The following COL6A3 variants were observed in gnomAD, a reference collection of about 807,000 sequenced individuals.
COL6A3 encodes collagen type VI alpha 3 chain.
A neutral mutation model predicts 274.1 loss-of-function variants in COL6A3; 137 were observed. That is an observed-to-expected ratio of 0.50 (90% CI 0.44 to 0.58). The LOEUF (loss-of-function observed/expected upper bound fraction) is 0.58. COL6A3 is among the 20% of genes least tolerant of loss of function. COL6A3 has a pLI of 0.00. For synonymous variants in COL6A3, 1,650 were observed against 1,650.6 expected, an observed-to-expected ratio of 1.00 and a Z score of 0.01; for missense variants, 3,950 against 4,124.9, an observed-to-expected ratio of 0.96 and a Z score of 1.16.
chr2:237,392,911 G>C (rs902790006), intron 3 of COL6A3, among the ~76,000 whole-genome samples: 1 of 152,104 alleles, frequency 6.6e-6, no homozygotes, highest in Non-Finnish European at 1.5e-5. Flanking sequence ...CCAGCCCCGC[G>C]ATTGGCCCTC....
At position 237,324,380 on chromosome 2, in the gene COL6A3, G is replaced by GA. The variant is rs1045565636; in HGVS notation, c.*393dup. On this transcript the variant is annotated 3_prime_UTR_variant, in exon 44 of 44. Transcript: ENST00000295550. ...TCTAAAGTCATGCTTAACTAAAAGG[G>GA]AAAAAAAATGAACCAAGCAAAAGTA... 6.4e-5 allele frequency: 11 copies of GA among 170,820 alleles called. No homozygotes were observed. The highest frequency in any genetic ancestry group is 1.2e-4 in the Admixed American group (2 of 17,212). 10.6% of individuals were successfully genotyped at this position (170,820 alleles called of 1,614,324 possible). A position where few individuals can be genotyped will look rare whatever the true frequency, so the allele number is the denominator to read the frequency against.
intron 42 of COL6A3, chr2:237,328,086 A>G (rs984872630): frequency 6.6e-6 from 1 of 152,174 alleles, no homozygotes; most frequent in African/African-American, 2.4e-5. Flanking sequence ...ACCTAGTGGG[A>G]GCCTAAAAGA....
intron 2 of COL6A3, among the ~76,000 whole-genome samples, chr2:237,395,982 G>A (rs1315188888): frequency 1.3e-5 from 2 of 152,122 alleles, no homozygotes; most frequent in African/African-American, 4.8e-5. Flanking sequence ...GCTTGCTGCT[G>A]GACTCTACTT....
chr2:237,362,305 C>T (rs1476212412), intron 14 of COL6A3, among the ~76,000 whole-genome samples: 1 of 152,194 alleles, frequency 6.6e-6, no homozygotes, highest in Admixed American at 6.5e-5. Flanking sequence ...CAGAAAGAGG[C>T]TTCCAGAGCA....
chr2:237,389,969 G>T (rs2078245991), intron 3 of COL6A3, among the ~76,000 whole-genome samples: 1 of 152,136 alleles, frequency 6.6e-6, no homozygotes, highest in Non-Finnish European at 1.5e-5. Flanking sequence ...GTGGTGCCAG[G>T]GGGTGTGAAT....
In COL6A3 at chr2:237,377,100, G is replaced by A; in HGVS notation, c.2742C>T (p.Leu914=). ...KRMKIKTGKA[L]NLGYALDYAQ... The stretch of plus-strand genomic sequence containing the variant: ...CATAGTCCAGCGCGTAGCCCAGGTT[G>A]AGGGCTTTGCCCGTCTTGATCTTCA... The change falls in exon 7 of 44, where the codon CTC becomes CTT. Residue 914 remains leucine, a synonymous_variant. Transcript: ENST00000295550. 1.2e-6 allele frequency: 2 copies of A among 1,614,212 alleles called. No individual in the cohort carries two copies. Among genetic ancestry groups the A allele is most frequent in the South Asian group, 1.1e-5 (1 of 91,078 alleles).
At position 237,371,175 on chromosome 2, in the gene COL6A3, C is replaced by A. The variant is rs1032085593; in HGVS notation, c.4285+557G>T. The stretch of plus-strand genomic sequence containing the variant: ...CTAGCTCAAGTCCCCCCAGTCCTTC[C>A]GGCCACCCTCCTATGGAGATGCCCT... On this transcript the variant is annotated intron_variant, in intron 9 of 43. Transcript: ENST00000295550. The surrounding 1 kb of genome is among the most constrained non-coding windows in gnomAD (Gnocchi z 4.3). Among the ~76,000 whole-genome samples, 1 of 152,200 alleles carries A rather than the reference C, an allele frequency of 6.6e-6. No homozygotes were observed. The highest frequency in any genetic ancestry group is 1.5e-5 in the Non-Finnish European group (1 of 68,030).
chr2:237,351,676 G>A (rs1416707523), intron 26 of COL6A3, among the ~76,000 whole-genome samples: 1 of 152,182 alleles, frequency 6.6e-6, no homozygotes, highest in Non-Finnish European at 1.5e-5. Context: ...GTGAAAAAGT[G>A]CAAATTAATA....
At chr2:237,382,824 A>G (rs948708974) in intron 4 of COL6A3, among the ~76,000 whole-genome samples, 3 of 152,156 alleles carry the variant, frequency 2.0e-5, no homozygotes, top group Non-Finnish European at 2.9e-5. Flanking sequence ...ATCTCACTCT[A>G]TCACCCAGGC....
rs926044279 is a variant in COL6A3 at position 237,339,033 on chromosome 2, T to C, written c.8549A>G (p.Lys2850Arg). 82 of 1,613,828 alleles carry C rather than the reference T, an allele frequency of 5.1e-5. No homozygotes were observed. The highest frequency in any genetic ancestry group is 6.9e-5 in the Non-Finnish European group (81 of 1,179,798). The change falls in exon 39 of 44, where the codon AAG becomes AGG. Residue 2850 changes from lysine (K) to arginine (R), a missense_variant. Transcript: ENST00000295550. ...QGDQPTKNLV[K>R]FGHKQVNVPN... The stretch of plus-strand genomic sequence containing the variant: ...CACTTACACTTGTTTGTGACCAAAC[T>C]TCACAAGGTTCTTTGTGGGTTGGTC...
chr2:237,388,386 G>A (rs879410133), intron 3 of COL6A3, among the ~76,000 whole-genome samples: 5 of 152,152 alleles, frequency 3.3e-5, no homozygotes, highest in African/African-American at 9.7e-5. Context: ...TAGAAATCAT[G>A]GTGTAAAAAA....
intron 29 of COL6A3, 84 bp downstream of exon 29, chr2:237,348,529 T>C (rs1298871746): frequency 1.4e-6 from 2 of 1,448,230 alleles, no homozygotes; most frequent in East Asian, 2.4e-5. Flanking sequence ...AAGAAATAAT[T>C]CTTTTAAAAC....
chr2:237,343,938 C>G (rs1310918037), intron 36 of COL6A3: 2 of 302,316 alleles, frequency 6.6e-6, no homozygotes, highest in East Asian at 1.6e-4. Context: ...TTATGGGAAG[C>G]AAATGCCCAG....
In COL6A3 at chr2:237,341,153, A is replaced by G; in HGVS notation, c.7766-3T>C. 1 of 1,613,878 alleles carries G rather than the reference A, an allele frequency of 6.2e-7. No homozygotes were observed. Among genetic ancestry groups the G allele is most frequent in the Middle Eastern group, 1.7e-4 (1 of 6,054 alleles). On this transcript the variant is annotated splice_region_variant and splice_polypyrimidine_tract_variant and intron_variant, in intron 37 of 43. Coordinates refer to ENST00000295550, the MANE Select transcript of COL6A3 (RefSeq NM_004369.4). ...GGATGGGTCGATGTTGCAGATGTCT[A>G]GAAAGAAGCATGGCAGCCTATTTGT...
In COL6A3 at chr2:237,333,624, A is replaced by G. The variant is rs1700379629; in HGVS notation, c.9230-76T>C. 9.4e-6 allele frequency: 12 copies of G among 1,272,816 alleles called. No homozygotes were observed. In the East Asian group the frequency reaches 2.8e-4, roughly 30 times the overall value. 78.8% of individuals were successfully genotyped at this position (1,272,816 alleles called of 1,614,324 possible). On this transcript the variant is annotated intron_variant, in intron 41 of 43. Transcript: ENST00000295550. ...CTTGGGAATCCTTAGTGACTGATAT[A>G]AGGTTGCCTGCTGTGATTAATGTCT...
intron 1 of COL6A3, among the ~76,000 whole-genome samples, chr2:237,404,502 AG>A (rs2078674075): frequency 6.6e-6 from 1 of 152,168 alleles, no homozygotes; most frequent in South Asian, 2.1e-4. Context: ...AGTATTATAG[AG>A]GCTCTTTGTA....
rs781735632 is a variant in COL6A3, at chr2:237,372,209, G to A, written c.3808C>T (p.Arg1270Trp). Residue 1270 changes from arginine (R) to tryptophan (W), a missense_variant, in exon 9 of 44, where the codon CGG becomes TGG. Coordinates refer to ENST00000295550, the MANE Select transcript of COL6A3 (RefSeq NM_004369.4). ...TCGCTGAACTGGATGACAGCCACCC[G>A]GGTGGTGTCAAAGCCCACGTCCAGG... ...DYLDVGFDTTRVAVIQFSDDP... is the reference protein window; with the variant it reads ...DYLDVGFDTTWVAVIQFSDDP... 15 of 1,613,964 alleles carry A rather than the reference G, an allele frequency of 9.3e-6. No homozygotes were observed. The highest frequency in any genetic ancestry group is 3.3e-5 in the South Asian group (3 of 91,080).
chr2:237,379,111 G>A lies in COL6A3; in HGVS notation c.2022C>T (p.Asp674=). The part of the protein sequence containing the change: ...NLVNSLDIGN[D]NIRVGLVQFS... The stretch of plus-strand genomic sequence containing the variant: ...ATTGCACTAAACCAACACGAATATT[G>A]TCATTTCCAATATCAAGGCTGTTAA... Residue 674 remains aspartate, a synonymous_variant, in exon 6 of 44, where the codon GAC becomes GAT. Coordinates refer to ENST00000295550, the MANE Select transcript of COL6A3 (RefSeq NM_004369.4). The A allele has an allele frequency of 1.2e-6, 2 of 1,614,206 alleles. No homozygotes were observed. The highest frequency in any genetic ancestry group is 2.2e-5 in the East Asian group (1 of 44,894).
chr2:237,355,100 G>A (rs2077290793), intron 23 of COL6A3, 166 bp from the exon 24 acceptor site: 4 of 634,874 alleles, frequency 6.3e-6, no homozygotes, highest in Middle Eastern at 2.6e-4. Context: ...ATCAGCCCTG[G>A]GGAAACTCGC....
Sources: gnomAD v4.1 joint callset for allele counts (sites outside exome capture counted in the v4.1 genomes callset) on GRCh38, gnomAD v4.1.1 for gene constraint, Gnocchi (gnomAD v3.1) non-coding constraint, MANE v1.5 for transcripts, NCBI Gene and HGNC (gene_info 2026-07-23, HGNC 2026-07-21) for gene names.